SRBD1: variants seen among roughly 807,000 people sequenced by gnomAD.
SRBD1 encodes the protein S1 RNA-binding domain-containing protein 1.
SRBD1 carries 88 observed loss-of-function variants against 115.3 expected under a neutral mutation model. The observed-to-expected ratio is 0.76, with a 90% CI of 0.64 to 0.91. The LOEUF is 0.91. Ranked by LOEUF, SRBD1 falls within the 40% of genes least tolerant of loss-of-function variation. The pLI, the probability that SRBD1 is intolerant of heterozygous loss-of-function variation, is 0.00. For missense variants in SRBD1, 1,385 were observed against 1,177.4 expected (o/e 1.18, Z -2.58); for synonymous variants, 509 against 407.7 (o/e 1.25, Z -2.99).
intron 16 of SRBD1, among the ~76,000 whole-genome samples, chr2:45,476,407 T>C (rs1669803780): frequency 6.6e-6 from 1 of 152,182 alleles, no homozygotes; most frequent in South Asian, 2.1e-4. Flanking sequence ...TTAATAGCTT[T>C]TGACAAGGAG....
At chr2:45,477,328 T>C (rs1233677813) in intron 15 of SRBD1, among the ~76,000 whole-genome samples, 1 of 152,186 alleles carries the variant, frequency 6.6e-6, no homozygotes, top group African/African-American at 2.4e-5. Context: ...GGATTATAGA[T>C]TTGGAAAAAC....
chr2:45,562,591 G>C, intron 10 of SRBD1, 62 bp downstream of exon 10: 1 of 1,294,336 alleles, frequency 7.7e-7, no homozygotes, highest in East Asian at 2.4e-5. Flanking sequence ...AGTACATATA[G>C]ATATCGGTAT....
chr2:45,600,143 T>A (rs1388382906), intron 3 of SRBD1, among the ~76,000 whole-genome samples: 2 of 152,258 alleles, frequency 1.3e-5, no homozygotes, highest in African/African-American at 4.8e-5. Context: ...TCATGGTAGA[T>A]ACACAAACCT....
At chr2:45,598,134 C>T (rs1324262691) in intron 4 of SRBD1, among the ~76,000 whole-genome samples, 1 of 152,162 alleles carries the variant, frequency 6.6e-6, no homozygotes, top group African/African-American at 2.4e-5. Context: ...CCATGGACCA[C>T]ACTTTAAAAC....
intron 14 of SRBD1, among the ~76,000 whole-genome samples, chr2:45,521,032 C>G (rs536639435): frequency 6.6e-6 from 1 of 152,288 alleles, no homozygotes; most frequent in African/African-American, 2.4e-5. Flanking sequence ...CACACTGTAA[C>G]ATATGTCCAC....
chr2:45,447,749 T>C (rs940197485), intron 16 of SRBD1: 2 of 152,196 alleles, frequency 1.3e-5, no homozygotes, highest in African/African-American at 4.8e-5. Flanking sequence ...AGATAGTTAT[T>C]GTAGGGGTTA....
intron 7 of SRBD1, among the ~76,000 whole-genome samples, chr2:45,576,213 A>C (rs1395250303): frequency 6.6e-6 from 1 of 152,184 alleles, no homozygotes; most frequent in Non-Finnish European, 1.5e-5. Flanking sequence ...TTTAATAAAC[A>C]GTAAATATAT....
chr2:45,473,492 T>G (rs1255792837), intron 16 of SRBD1, among the ~76,000 whole-genome samples: 1 of 152,190 alleles, frequency 6.6e-6, no homozygotes, highest in Non-Finnish European at 1.5e-5. Flanking sequence ...AGTACTTCCA[T>G]CAATTCTTTC....
At chr2:45,551,579 CAG>C (rs1371635112) in intron 11 of SRBD1, among the ~76,000 whole-genome samples, 3 of 152,088 alleles carry the variant, frequency 2.0e-5, no homozygotes, top group Non-Finnish European at 2.9e-5. Flanking sequence ...GTGAGAAAGA[CAG>C]AGAGTGTACG....
At chr2:45,562,851 C>G (rs1187337525) in intron 9 of SRBD1, 95 bp from the exon 10 acceptor site, 12 of 684,590 alleles carry the variant, frequency 1.8e-5, no homozygotes, top group Non-Finnish European at 2.4e-6. Flanking sequence ...ATTTTTTACT[C>G]GTTTATTAAA....
intron 14 of SRBD1, among the ~76,000 whole-genome samples, chr2:45,512,210 TAAAGA>T (rs1670991844): frequency 6.6e-6 from 1 of 152,192 alleles, no homozygotes; most frequent in Non-Finnish European, 1.5e-5. Context: ...GAAGGCTGCT[TAAAGA>T]AAAGGAAAGA....
At chr2:45,593,188 C>T (rs931770829) in intron 4 of SRBD1, among the ~76,000 whole-genome samples, 4 of 151,992 alleles carry the variant, frequency 2.6e-5, no homozygotes, top group Non-Finnish European at 5.9e-5. Context: ...TATTACGTTC[C>T]AAACACTCTT....
intron 14 of SRBD1, among the ~76,000 whole-genome samples, chr2:45,498,279 C>A (rs774130672): frequency 6.6e-6 from 1 of 152,048 alleles, no homozygotes; most frequent in African/African-American, 2.4e-5. Context: ...CTGTTCTTTA[C>A]GTATTCTAAC....
At position 45,610,616 on chromosome 2, in the gene SRBD1, G is replaced by C. The variant is rs1477526935; in HGVS notation, c.-1+603C>G. On this transcript the variant is annotated intron_variant, in intron 1 of 20. Transcript: ENST00000263736. ...TGAGGGGTTCGAGGAAAGTTGCCTA[G>C]AGAGTTCCCAATTCATTCCTTTCCT... 2.6e-5 allele frequency among the ~76,000 whole-genome samples: 4 copies of C among 152,312 alleles called. No individual in the cohort carries two copies. In the East Asian group the frequency reaches 5.8e-4, roughly 22 times the overall value.
intron 14 of SRBD1, among the ~76,000 whole-genome samples, chr2:45,519,416 A>G (rs181616430): frequency 9.2e-5 from 14 of 152,260 alleles, no homozygotes; most frequent in Non-Finnish European, 1.0e-4. Context: ...AAAGAAACAA[A>G]AAGTTCATCT....
intron 14 of SRBD1, among the ~76,000 whole-genome samples, chr2:45,503,791 T>C (rs1670712948): frequency 6.6e-6 from 1 of 152,192 alleles, no homozygotes; most frequent in South Asian, 2.1e-4. Context: ...TGGTTTTTCC[T>C]TAGTGATTAC....
intron 18 of SRBD1, among the ~76,000 whole-genome samples, chr2:45,414,853 G>A (rs903231457): frequency 6.9e-6 from 1 of 145,258 alleles, no homozygotes; most frequent in African/African-American, 2.6e-5. Context: ...CATATAGTGT[G>A]TATATAGTAT....
At chr2:45,551,505 CT>C (rs1413600520) in intron 11 of SRBD1, among the ~76,000 whole-genome samples, 2 of 152,090 alleles carry the variant, frequency 1.3e-5, no homozygotes, top group Non-Finnish European at 2.9e-5. Flanking sequence ...TTTATCATAC[CT>C]ACATTACCTC....
At chr2:45,524,203 A>C (rs1671372242) in intron 14 of SRBD1, among the ~76,000 whole-genome samples, 1 of 152,028 alleles carries the variant, frequency 6.6e-6, no homozygotes, top group South Asian at 2.1e-4. Context: ...CAACACAATT[A>C]ATGATGAAAG....
Sources: allele counts gnomAD v4.1 joint callset (sites outside exome capture counted in the v4.1 genomes callset), GRCh38; gene constraint gnomAD v4.1.1; transcripts MANE v1.5; gene names NCBI Gene and HGNC (gene_info 2026-07-23, HGNC 2026-07-21).